Variants in EYA1 observed in about 807,000 individuals in gnomAD.
The protein encoded by EYA1 is EYA transcriptional coactivator and phosphatase 1.
A neutral mutation model predicts 82.0 loss-of-function variants in EYA1; 16 were observed. The ratio of observed to expected loss-of-function variants is 0.20; its 90% CI spans 0.13 to 0.30. EYA1 has a LOEUF of 0.30. EYA1 is among the 10% of genes least tolerant of loss of function. EYA1 has a pLI of 1.00. For synonymous variants in EYA1, 261 were observed against 264.4 expected (o/e 0.99, Z 0.12); for missense variants, 633 against 730.7 (o/e 0.87, Z 1.54).
intron 2 of EYA1, among the ~76,000 whole-genome samples, chr8:71,494,739 G>T (rs1025762493): frequency 6.6e-6 from 1 of 152,118 alleles, no homozygotes; most frequent in South Asian, 2.1e-4. Flanking sequence ...TGAATACACA[G>T]CTGCTTTAAG....
chr8:71,271,716 T>C lies in EYA1; in HGVS notation c.966+42A>G, dbSNP rs746390088. 1.5e-5 allele frequency: 25 copies of C among 1,613,578 alleles called. No homozygotes were observed. In the South Asian group the frequency reaches 2.3e-4, roughly 15 times the overall value. On this transcript the variant is annotated intron_variant, in intron 10 of 17. Coordinates refer to ENST00000340726, the MANE Select transcript of EYA1 (RefSeq NM_000503.6). ...GTATGTAAAACCACCAGTTAGCTAT[T>C]AAGACACCTTTCTATTCACTTGGGT...
intron 4 of EYA1, among the ~76,000 whole-genome samples, chr8:71,330,867 G>GTA (rs1443668545): frequency 2.0e-5 from 3 of 152,040 alleles, no homozygotes; most frequent in African/African-American, 7.3e-5. Flanking sequence ...GTGTGTGTGT[G>GTA]TGTGTGTGTA....
intron 3 of EYA1, among the ~76,000 whole-genome samples, chr8:71,344,271 G>A (rs1418398640): frequency 1.3e-5 from 2 of 152,034 alleles, no homozygotes; most frequent in Non-Finnish European, 2.9e-5. Flanking sequence ...TGGAAGCATG[G>A]CACAACAGTA....
chr8:71,381,871 C>T (rs74375044), intron 2 of EYA1, among the ~76,000 whole-genome samples: 1 of 152,176 alleles, frequency 6.6e-6, no homozygotes, highest in African/African-American at 2.4e-5. Context: ...TTTTAGTTAA[C>T]AGGTTGATTC....
rs562546479 is a variant in EYA1 at position 71,361,868 on chromosome 8, G to A, written c.-276C>T. 2 of 985,362 alleles carry A rather than the reference G, an allele frequency of 2.0e-6. No homozygotes were observed. The highest frequency in any genetic ancestry group is 1.7e-5 in the African/African-American group (1 of 57,250). The allele number at this position is 985,362 out of a possible 1,614,324, so 61.0% of individuals were successfully genotyped here. ...GCCGCTGCCGCAGGCTCGGGCTGCCGAGCGACTGAGCGAAAACGTGTTCCC... is the reference window on the plus strand; with the variant it reads ...GCCGCTGCCGCAGGCTCGGGCTGCCAAGCGACTGAGCGAAAACGTGTTCCC... On this transcript the variant is annotated 5_prime_UTR_variant, in exon 1 of 18. Coordinates refer to ENST00000340726, the MANE Select transcript of EYA1 (RefSeq NM_000503.6).
intron 2 of EYA1, among the ~76,000 whole-genome samples, chr8:71,442,184 G>A (rs1307975831): frequency 6.6e-6 from 1 of 152,182 alleles, no homozygotes; most frequent in South Asian, 2.1e-4. Flanking sequence ...TAGTTATTTA[G>A]TTCTTAGTAT....
chr8:71,309,614 T>A (rs535614591), intron 7 of EYA1, among the ~76,000 whole-genome samples: 3 of 152,322 alleles, frequency 2.0e-5, no homozygotes, highest in African/African-American at 4.8e-5. Flanking sequence ...AATAAAAAAA[T>A]TTTAAAGCAT....
intron 3 of EYA1, among the ~76,000 whole-genome samples, chr8:71,343,640 T>C (rs114618896): frequency 0.029 from 4,467 of 152,300 alleles, 85 homozygotes; most frequent in Non-Finnish European, 0.042. Flanking sequence ...GCCCTTGACC[T>C]TGGACTTAGC....
chr8:71,249,494 C>G (rs541276634), intron 11 of EYA1, among the ~76,000 whole-genome samples: 15 of 152,162 alleles, frequency 9.9e-5, no homozygotes, highest in African/African-American at 3.6e-4. Flanking sequence ...CATGAGAACT[C>G]ACTATCATGA....
At chr8:71,282,101 C>A (rs1189335531) in intron 9 of EYA1, among the ~76,000 whole-genome samples, 1 of 152,284 alleles carries the variant, frequency 6.6e-6, no homozygotes, top group East Asian at 1.9e-4. Flanking sequence ...TTGCCAGGCT[C>A]TCCCCACCCG....
At chr8:71,459,740 T>C (rs2129188187) in intron 2 of EYA1, among the ~76,000 whole-genome samples, 1 of 152,278 alleles carries the variant, frequency 6.6e-6, no homozygotes, top group African/African-American at 2.4e-5. Context: ...TTATTTGTCT[T>C]TCCAACACTG....
At chr8:71,408,280 A>G (rs1830387004) in intron 2 of EYA1, among the ~76,000 whole-genome samples, 3 of 152,170 alleles carry the variant, frequency 2.0e-5, no homozygotes, top group Admixed American at 6.6e-5. Context: ...GCCAAAATGT[A>G]AAGGCCATCG....
intron 2 of EYA1, among the ~76,000 whole-genome samples, chr8:71,413,305 T>C (rs1248131201): frequency 6.6e-6 from 1 of 152,192 alleles, no homozygotes; most frequent in East Asian, 1.9e-4. Flanking sequence ...AACTTCTCAG[T>C]CTCCTGCATT....
intron 9 of EYA1, among the ~76,000 whole-genome samples, chr8:71,282,106 C>A (rs964387676): frequency 1.8e-4 from 28 of 152,202 alleles, no homozygotes; most frequent in Admixed American, 7.8e-4. Flanking sequence ...AGGCTCTCCC[C>A]ACCCGTAAGT....
chr8:71,235,585 T>A (rs376688428), intron 12 of EYA1, among the ~76,000 whole-genome samples: 3 of 152,290 alleles, frequency 2.0e-5, no homozygotes, highest in East Asian at 3.9e-4. Flanking sequence ...ATAGCACTTA[T>A]CTCTGCCTGC....
chr8:71,511,941 A>T (rs1040198544), intron 2 of EYA1, among the ~76,000 whole-genome samples: 54 of 152,148 alleles, frequency 3.5e-4, no homozygotes, highest in Admixed American at 9.2e-4. Context: ...TAGCCTGGTG[A>T]CCTTGACAAA....
intron 12 of EYA1, among the ~76,000 whole-genome samples, chr8:71,237,616 A>G (rs1812004353): frequency 6.6e-6 from 1 of 152,200 alleles, no homozygotes; most frequent in Non-Finnish European, 1.5e-5. Flanking sequence ...AATTCCATAA[A>G]CAATCAATGT....
intron 12 of EYA1, among the ~76,000 whole-genome samples, chr8:71,232,399 C>T (rs1465435952): frequency 6.6e-6 from 1 of 152,210 alleles, no homozygotes; most frequent in Non-Finnish European, 1.5e-5. Flanking sequence ...ATGAGCCATC[C>T]TTCAAAACAT....
At chr8:71,487,026 G>A (rs549100970) in intron 2 of EYA1, among the ~76,000 whole-genome samples, 2 of 87,772 alleles carry the variant, frequency 2.3e-5, no homozygotes, top group African/African-American at 7.8e-5. Context: ...GGACCTAAAT[G>A]GTTTAATCAA....
Sources: gnomAD v4.1 joint callset for allele counts (sites outside exome capture counted in the v4.1 genomes callset) on GRCh38, gnomAD v4.1.1 for gene constraint, MANE v1.5 for transcripts, NCBI Gene and HGNC (gene_info 2026-07-23, HGNC 2026-07-21) for gene names.